Variants in GRIN2B observed in about 807,000 individuals in gnomAD.
The protein encoded by GRIN2B is glutamate receptor ionotropic, NMDA 2B.
GRIN2B carries 5 observed loss-of-function variants against 114.5 expected under a neutral mutation model. The ratio of observed to expected loss-of-function variants is 0.04; its 90% confidence interval spans 0.02 to 0.09. GRIN2B has a LOEUF of 0.09. Among genes scored for constraint, GRIN2B ranks in the 10% least tolerant of loss-of-function variants. GRIN2B has a pLI of 1.00. For synonymous variants in GRIN2B, 787 were observed against 745.1 expected, an observed-to-expected ratio of 1.06 and a Z score of -0.92; for missense variants, 1,108 against 1,943.5, an observed-to-expected ratio of 0.57 and a Z score of 8.08.
At chr12:13,942,259 C>T (rs142975591) in intron 2 of GRIN2B, among the ~76,000 whole-genome samples, 1 of 152,268 alleles carries the variant, frequency 6.6e-6, no homozygotes, top group Non-Finnish European at 1.5e-5. Flanking sequence ...CAGAGCTGAT[C>T]TACTCTTTAA....
chr12:13,667,024 C>T (rs980843617), intron 5 of GRIN2B, among the ~76,000 whole-genome samples: 1 of 152,164 alleles, frequency 6.6e-6, no homozygotes, highest in African/African-American at 2.4e-5. Flanking sequence ...TGCTCTCTCC[C>T]TTCTGGGTCA....
intron 12 of GRIN2B, among the ~76,000 whole-genome samples, chr12:13,568,704 G>A (rs903060478): frequency 1.3e-5 from 2 of 152,210 alleles, no homozygotes; most frequent in Non-Finnish European, 1.5e-5. Context: ...CTGATGGCTG[G>A]TGAAGCCAAC....
At chr12:13,642,673 C>T (rs1949730581) in intron 5 of GRIN2B, among the ~76,000 whole-genome samples, 1 of 152,136 alleles carries the variant, frequency 6.6e-6, no homozygotes, top group Non-Finnish European at 1.5e-5. Flanking sequence ...TGTTTATTTG[C>T]TTATGCATTC....
At chr12:13,882,358 G>T (rs1425069482) in intron 2 of GRIN2B, among the ~76,000 whole-genome samples, 1 of 152,128 alleles carries the variant, frequency 6.6e-6, no homozygotes, top group Non-Finnish European at 1.5e-5. Context: ...ACCAAAGCAG[G>T]AATTCCCCGT....
chr12:13,820,674 T>G (rs1294358326), intron 3 of GRIN2B, among the ~76,000 whole-genome samples: 1 of 152,204 alleles, frequency 6.6e-6, no homozygotes, highest in Admixed American at 6.5e-5. Context: ...AAATGTTGAT[T>G]GAATTAATGA....
intron 10 of GRIN2B, among the ~76,000 whole-genome samples, chr12:13,596,402 C>A (rs1443730165): frequency 6.6e-6 from 1 of 152,146 alleles, no homozygotes; most frequent in South Asian, 2.1e-4. Context: ...TGGTTTATAG[C>A]CTTAAGCTAC....
intron 2 of GRIN2B, among the ~76,000 whole-genome samples, chr12:13,973,642 C>T (rs1028525832): frequency 1.3e-5 from 2 of 152,132 alleles, no homozygotes; most frequent in African/African-American, 2.4e-5. Context: ...CCTTGGAATG[C>T]CTGACTCTTA....
intron 3 of GRIN2B, among the ~76,000 whole-genome samples, chr12:13,788,933 T>C (rs1864265548): frequency 6.6e-6 from 1 of 152,128 alleles, no homozygotes; most frequent in Admixed American, 6.5e-5. Context: ...AAACTGGCAA[T>C]GGAGATACAA....
chr12:13,767,611 T>C (rs1179610182), intron 3 of GRIN2B, among the ~76,000 whole-genome samples: 2 of 152,182 alleles, frequency 1.3e-5, no homozygotes, highest in East Asian at 1.9e-4. Flanking sequence ...CAGGTGCAAA[T>C]AGAGTAAGGC....
Position 13,558,857 on chromosome 12 carries a change from T to C in GRIN2B, c.*3926A>G, listed in dbSNP as rs1948505302. 6.6e-6 allele frequency: 1 copy of C among 152,318 alleles called. No individual in the cohort carries two copies. Among genetic ancestry groups the C allele is most frequent in the South Asian group, 2.1e-4 (1 of 4,826 alleles). The allele number at this position is 152,318 out of a possible 1,614,324, so 9.4% of individuals were successfully genotyped here. On this transcript the variant is annotated 3_prime_UTR_variant, in exon 14 of 14. Coordinates refer to ENST00000609686, the MANE Select transcript of GRIN2B (RefSeq NM_000834.5). ...TGTGCAAAGTCTCGACTCAGGCAAA[T>C]TCAAGGGTCAGATTATTGTCAGTGG...
intron 2 of GRIN2B, among the ~76,000 whole-genome samples, chr12:13,924,346 G>T (rs923410181): frequency 6.6e-6 from 1 of 152,182 alleles, no homozygotes; most frequent in African/African-American, 2.4e-5. Context: ...AACCAACAAG[G>T]ACTGGTGAAA....
rs1948568369 is a variant in GRIN2B at position 13,562,958 on chromosome 12, T to C, written c.4280A>G (p.Asn1427Ser). The C allele has an allele frequency of 1.2e-5, 19 of 1,614,142 alleles. No homozygotes were observed. The East Asian group carries it at 4.2e-4, about 36-fold the overall frequency. ...ARPDFRALVTNKPVVSALHGA... is the reference protein window; with the variant it reads ...ARPDFRALVTSKPVVSALHGA... ...ATGAAGGGCCGAGACCACCGGCTTGTTGGTGACAAGGGCCCGGAAGTCCGG... is the reference window on the plus strand; with the variant it reads ...ATGAAGGGCCGAGACCACCGGCTTGCTGGTGACAAGGGCCCGGAAGTCCGG... The change falls in exon 14 of 14, where the codon AAC (asparagine) becomes AGC (serine). Residue 1427 changes from asparagine (N) to serine (S), a missense_variant. By Grantham distance (46) the Asn-to-Ser change is conservative. Around this residue, in one of 19 missense-constraint regions of GRIN2B, gnomAD observed 478 missense variants for 506.0 expected, o/e 0.94. Coordinates refer to ENST00000609686, the MANE Select transcript of GRIN2B (RefSeq NM_000834.5).
chr12:13,933,879 G>A (rs968866658), intron 2 of GRIN2B, among the ~76,000 whole-genome samples: 17 of 152,156 alleles, frequency 1.1e-4, no homozygotes, highest in African/African-American at 4.1e-4. Flanking sequence ...GGTGAGCAGG[G>A]CTAGAAGCGG....
At position 13,562,519 on chromosome 12, in the gene GRIN2B, G is replaced by GA. The variant is rs1311131042; in HGVS notation, c.*263dup. The GA allele has an allele frequency of 4.0e-6, 2 of 500,854 alleles. No homozygotes were observed. The highest frequency in any genetic ancestry group is 7.2e-6 in the Non-Finnish European group (2 of 278,576). The allele number at this position is 500,854 out of a possible 1,614,324, so 31.0% of individuals were successfully genotyped here. ...TCTCCGCTCTACCCTCCCCTGCTGA[G>GA]AGGGCCCATGGCATCATCTCATGGG... On this transcript the variant is annotated 3_prime_UTR_variant, in exon 14 of 14. Coordinates refer to ENST00000609686, the MANE Select transcript of GRIN2B (RefSeq NM_000834.5).
chr12:13,692,913 C>T (rs1026359968), intron 4 of GRIN2B, among the ~76,000 whole-genome samples: 11 of 150,994 alleles, frequency 7.3e-5, no homozygotes, highest in South Asian at 2.1e-4. Context: ...GGATTACAGG[C>T]GCCTGCCACC....
chr12:13,644,969 C>T (rs937641479), intron 5 of GRIN2B, among the ~76,000 whole-genome samples: 6 of 152,108 alleles, frequency 3.9e-5, no homozygotes, highest in Admixed American at 2.0e-4. Flanking sequence ...TTCTTCATGT[C>T]AGCAATCAGG....
At chr12:13,643,867 G>C (rs1296049921) in intron 5 of GRIN2B, among the ~76,000 whole-genome samples, 1 of 152,126 alleles carries the variant, frequency 6.6e-6, no homozygotes, top group African/African-American at 2.4e-5. Flanking sequence ...ATGAGTTTGA[G>C]CAATGCAGTC....
intron 3 of GRIN2B, among the ~76,000 whole-genome samples, chr12:13,823,778 C>T (rs188260745): frequency 3.1e-4 from 47 of 152,130 alleles, no homozygotes; most frequent in Admixed American, 9.8e-4. Context: ...AGTATGATGT[C>T]GGCTATAGGT....
intron 2 of GRIN2B, among the ~76,000 whole-genome samples, chr12:13,870,867 C>CA (rs1865893611): frequency 6.6e-6 from 1 of 152,086 alleles, no homozygotes; most frequent in Admixed American, 6.5e-5. Context: ...AATTCTCATA[C>CA]AATGGAAGTC....
Sources: gnomAD v4.1 joint callset for allele counts (sites outside exome capture counted in the v4.1 genomes callset) on GRCh38, gnomAD v4.1.1 for gene constraint, gnomAD v4.1.1 regional missense constraint, MANE v1.5 for transcripts, NCBI Gene and HGNC (gene_info 2026-07-23, HGNC 2026-07-21) for gene names.